Variants in FNDC1 observed in about 807,000 individuals in gnomAD.
The protein encoded by FNDC1 is fibronectin type III domain containing 1.
A neutral mutation model predicts 168.0 loss-of-function variants in FNDC1; 96 were observed. The observed-to-expected ratio is 0.57, with a 90% CI of 0.48 to 0.68. FNDC1 has a LOEUF of 0.68. Ranked by LOEUF, FNDC1 falls within the 30% of genes least tolerant of loss-of-function variation. The pLI is 0.00. For synonymous variants in FNDC1, 1,099 were observed against 1,025.9 expected (o/e 1.07, Z -1.36); for missense variants, 2,587 against 2,482.1 (o/e 1.04, Z -0.90).
chr6:159,269,257 C>CTTCT (rs1554229873), intron 22 of FNDC1, among the ~76,000 whole-genome samples: 3 of 42,624 alleles, frequency 7.0e-5, no homozygotes, highest in Admixed American at 2.9e-4. Context: ...ATCCATCTAT[C>CTTCT]ATCTATCTAT....
intron 18 of FNDC1, 114 bp from the exon 19 acceptor site, chr6:159,261,076 A>G: frequency 1.4e-6 from 1 of 734,034 alleles, no homozygotes; most frequent in South Asian, 1.7e-5. Context: ...GCATTTGTAA[A>G]AAGTAGAACT....
intron 4 of FNDC1, among the ~76,000 whole-genome samples, chr6:159,202,783 G>T (rs1224565527): frequency 6.6e-6 from 1 of 152,158 alleles, no homozygotes; most frequent in South Asian, 2.1e-4. Flanking sequence ...AGCTAGACAA[G>T]GGATCACCTC....
At chr6:159,269,923 C>T (rs1303128296) in intron 22 of FNDC1, among the ~76,000 whole-genome samples, 1 of 152,204 alleles carries the variant, frequency 6.6e-6, no homozygotes, top group Non-Finnish European at 1.5e-5. Context: ...GGCACTGTGG[C>T]TCACACCTGT....
In FNDC1 at chr6:159,233,630, C is replaced by A. The variant is rs1783161550; in HGVS notation, c.3118C>A (p.Arg1040=). 28 of 1,558,678 alleles carry A rather than the reference C, an allele frequency of 1.8e-5. No homozygotes were observed. The highest frequency in any genetic ancestry group is 2.7e-5 in the African/African-American group (2 of 73,444). The stretch of plus-strand genomic sequence containing the variant: ...CAGGCTCTCACTGACCCAGGCCGGG[C>A]GGCCCCGCCCCACGTCGCAGGGCCG... ...QPRLSLTQAG[R]PRPTSQGRSH... The change falls in exon 11 of 23, where the codon CGG becomes AGG. Residue 1040 remains arginine, a synonymous_variant. Transcript: ENST00000297267. The surrounding 1 kb of genome is among the most constrained non-coding windows in gnomAD (Gnocchi z 4.6).
intron 4 of FNDC1, among the ~76,000 whole-genome samples, chr6:159,209,293 T>C (rs898899693): frequency 6.6e-6 from 1 of 152,248 alleles, no homozygotes; most frequent in African/African-American, 2.4e-5. Context: ...TGCTGTTAGA[T>C]AGACTTTGGT....
At chr6:159,213,905 A>G (rs1457246850) in intron 4 of FNDC1, among the ~76,000 whole-genome samples, 2 of 152,194 alleles carry the variant, frequency 1.3e-5, no homozygotes, top group Non-Finnish European at 2.9e-5. Flanking sequence ...CAGCATCTCC[A>G]AAGGCTATTG....
chr6:159,184,114 T>C (rs1781943384), intron 1 of FNDC1, among the ~76,000 whole-genome samples: 2 of 152,248 alleles, frequency 1.3e-5, no homozygotes, highest in Admixed American at 1.3e-4. Context: ...TTTCCTTATT[T>C]ATAAAAATGC....
In FNDC1 at chr6:159,256,571, G is replaced by T. The variant is rs1562310884; in HGVS notation, c.5114G>T (p.Trp1705Leu). 1.2e-6 allele frequency: 2 copies of T among 1,613,968 alleles called. No homozygotes were observed. The highest frequency in any genetic ancestry group is 1.7e-5 in the Admixed American group (1 of 60,030). Residue 1705 changes from tryptophan (W) to leucine (L), a missense_variant, in exon 18 of 23, where the codon TGG becomes TTG. Trp to Leu is a moderately conservative substitution (Grantham distance 61). Coordinates refer to ENST00000297267, the MANE Select transcript of FNDC1 (RefSeq NM_032532.3). ...TATGAAGACTTCATCAGGAACAAGTGGTCCACTCAAGCTTCATCAGTAACT... is the reference window on the plus strand; with the variant it reads ...TATGAAGACTTCATCAGGAACAAGTTGTCCACTCAAGCTTCATCAGTAACT... ...ASYEDFIRNK[W>L]STQASSVTHL...
chr6:159,226,139 T>C (rs1039546436), intron 8 of FNDC1, among the ~76,000 whole-genome samples: 17 of 152,338 alleles, frequency 1.1e-4, no homozygotes, highest in African/African-American at 3.8e-4. Flanking sequence ...TACCATTCTT[T>C]TCTCTTAAAC....
chr6:159,190,464 G>A (rs1051488713), intron 1 of FNDC1, among the ~76,000 whole-genome samples: 3 of 152,178 alleles, frequency 2.0e-5, no homozygotes, highest in Non-Finnish European at 2.9e-5. Context: ...CCACTCCCAC[G>A]TCCCTGTGGG....
In FNDC1 at chr6:159,234,266, C is replaced by A; in HGVS notation, c.3754C>A (p.Pro1252Thr). The A allele has an allele frequency of 6.3e-7, 1 of 1,593,654 alleles. No homozygotes were observed. The highest frequency in any genetic ancestry group is 8.5e-7 in the Non-Finnish European group (1 of 1,170,210). ...RPLPPPPGSS[P>T]RASHVPSRLP... The stretch of plus-strand genomic sequence containing the variant: ...TCTCCCCCCACCTCCAGGCAGCTCC[C>A]CCAGGGCCTCCCACGTCCCTTCCCG... Residue 1252 changes from proline (P) to threonine (T), a missense_variant, in exon 11 of 23, where the codon CCC becomes ACC. Coordinates refer to ENST00000297267, the MANE Select transcript of FNDC1 (RefSeq NM_032532.3).
chr6:159,236,078 T>C (rs1314725614), intron 11 of FNDC1, 137 bp from the exon 12 acceptor site: 1 of 596,574 alleles, frequency 1.7e-6, no homozygotes, highest in Non-Finnish European at 3.0e-6. Context: ...CTAATATATT[T>C]GAGCTATTGG....
At position 159,265,033 on chromosome 6, in the gene FNDC1, A is replaced by C. The variant is rs570298919; in HGVS notation, c.5284+29A>C. ...AGTTTATGTTCTTGATAATCTGGAC[A>C]TTCTGGTAATCAAGTTGAATATTGA... is the stretch of plus-strand genomic sequence containing the variant. On this transcript the variant is annotated intron_variant, in intron 20 of 22. Coordinates refer to ENST00000297267, the MANE Select transcript of FNDC1 (RefSeq NM_032532.3). 1.1e-5 allele frequency: 17 copies of C among 1,575,200 alleles called. No individual in the cohort carries two copies. The East Asian group carries it at 3.6e-4, about 33-fold the overall frequency.
rs771602973 is a variant in FNDC1, at chr6:159,232,877, C to A, written c.2365C>A (p.His789Asn). 6.2e-7 allele frequency: 1 copy of A among 1,613,516 alleles called. No homozygotes were observed. Among genetic ancestry groups the A allele is most frequent in the Non-Finnish European group, 8.5e-7 (1 of 1,179,872 alleles). ...EGAEASDGESHGDGDREDGGR... is the reference protein window; with the variant it reads ...EGAEASDGESNGDGDREDGGR... Reference sequence around the variant, plus strand: ...AGCGGAGGCTTCTGATGGTGAAAGCCACGGTGACGGCGATAGGGAAGACGG... The same window carrying A: ...AGCGGAGGCTTCTGATGGTGAAAGCAACGGTGACGGCGATAGGGAAGACGG... Residue 789 changes from histidine (H) to asparagine (N), a missense_variant, in exon 11 of 23, where the codon CAC becomes AAC. His to Asn is a moderately conservative substitution (Grantham distance 68). Transcript: ENST00000297267. This position sits in a 1 kb window ranked among gnomAD's most constrained non-coding sequence, Gnocchi z 4.9.
chr6:159,230,113 T>A, intron 10 of FNDC1, 110 bp downstream of exon 10: 1 of 961,482 alleles, frequency 1.0e-6, no homozygotes, highest in Non-Finnish European at 1.5e-6. Context: ...CAGATGATTT[T>A]TCCAGGCTAA....
Position 159,238,479 on chromosome 6 carries a change from T to C in FNDC1, c.4069-75T>C, listed in dbSNP as rs1265585638. 1.5e-5 allele frequency: 14 copies of C among 932,156 alleles called. No homozygotes were observed. The Admixed American group carries it at 3.2e-4, about 21-fold the overall frequency. The allele number at this position is 932,156 out of a possible 1,614,324, so 57.7% of individuals were successfully genotyped here. On this transcript the variant is annotated intron_variant, in intron 12 of 22. Transcript: ENST00000297267. ...TCCTTCTGTGGAAGCTTCAGGGGTA[T>C]ATACATATATAATTGGACTAATGTG...
chr6:159,182,190 C>T (rs939397201), intron 1 of FNDC1, among the ~76,000 whole-genome samples: 3 of 152,218 alleles, frequency 2.0e-5, no homozygotes, highest in African/African-American at 7.2e-5. Context: ...GGTACAAACA[C>T]TAGATATCAT....
At chr6:159,262,451 G>A (rs995150248) in intron 19 of FNDC1, among the ~76,000 whole-genome samples, 3 of 152,144 alleles carry the variant, frequency 2.0e-5, no homozygotes, top group Admixed American at 6.5e-5. Context: ...TAAGAAATAT[G>A]TTTCTGTTAG....
intron 18 of FNDC1, among the ~76,000 whole-genome samples, chr6:159,260,834 C>T (rs1777466211): frequency 6.6e-6 from 1 of 152,204 alleles, no homozygotes; most frequent in South Asian, 2.1e-4. Context: ...TAAACCTGAG[C>T]AAGAGCAGGG....
Sources: gnomAD v4.1 joint callset for allele counts (sites outside exome capture counted in the v4.1 genomes callset) on GRCh38, gnomAD v4.1.1 for gene constraint, Gnocchi (gnomAD v3.1) non-coding constraint, MANE v1.5 for transcripts, NCBI Gene and HGNC (gene_info 2026-07-23, HGNC 2026-07-21) for gene names.